Variants in TSPAN1 observed in about 807,000 individuals in gnomAD.
TSPAN1 encodes the protein tetraspanin-1.
Under a neutral mutation model 26.9 loss-of-function variants are expected in TSPAN1, and 23 were observed. That is an observed-to-expected ratio of 0.85 (90% confidence interval 0.62 to 1.21). The LOEUF (loss-of-function observed/expected upper bound fraction) is 1.21, where lower values mean the gene tolerates loss of function less well. Among genes scored for constraint, TSPAN1 ranks in the 50% most tolerant of loss-of-function variants. TSPAN1 has a pLI of 0.00. For synonymous variants in TSPAN1, 115 were observed against 114.8 expected, an observed-to-expected ratio of 1.00 and a Z score of -0.01; for missense variants, 283 against 298.4, an observed-to-expected ratio of 0.95 and a Z score of 0.38.
At chr1:46,194,026 T>C in the TSPAN1 span, 1 of 1,572,288 alleles carries the variant, frequency 6.4e-7, no homozygotes, top group Non-Finnish European at 8.6e-7. Flanking sequence ...CAGACTGGAG[T>C]AGACAGGGAA....
chr1:46,176,245 C>T, intron 1 of TSPAN1: 1 of 1,535,154 alleles, frequency 6.5e-7, no homozygotes, highest in Non-Finnish European at 8.7e-7. Flanking sequence ...TGGGAAGATC[C>T]ACACTATGGT....
downstream of TSPAN1, chr1:46,190,578 A>C: frequency 6.5e-7 from 1 of 1,539,016 alleles, no homozygotes; most frequent in South Asian, 1.1e-5. Flanking sequence ...CATGGGTAGC[A>C]CTGAGCAGGG....
At chr1:46,194,968 G>C in the TSPAN1 span, 82 of 1,613,570 alleles carry the variant, frequency 5.1e-5, no homozygotes, top group Non-Finnish European at 6.2e-5. Flanking sequence ...CATCCTGGGG[G>C]ACCAGAGAAG....
At chr1:46,190,914 C>T, downstream of TSPAN1, 8 of 845,828 alleles carry the variant, frequency 9.5e-6, no homozygotes, top group South Asian at 2.8e-5. Flanking sequence ...TAATTTCCCA[C>T]CGTCTTCTCC....
chr1:46,185,710 C>A lies in TSPAN1; in HGVS notation c.*177C>A. ...TAGGGACCACTCCTTTTAGGCGATG[C>A]CTGACTTTCCTTCCATTGGTGGGTG... On this transcript the variant is annotated 3_prime_UTR_variant, in exon 9 of 9. Transcript: ENST00000372003. 1 of 690,158 alleles carries A rather than the reference C, an allele frequency of 1.4e-6. No individual in the cohort carries two copies. Among genetic ancestry groups the A allele is most frequent in the Non-Finnish European group, 2.5e-6 (1 of 406,390 alleles). 42.8% of individuals were successfully genotyped at this position (690,158 alleles called of 1,614,324 possible).
chr1:46,186,524 CTT>C (rs1465394293), downstream of TSPAN1, among the ~76,000 whole-genome samples: 4 of 138,800 alleles, frequency 2.9e-5, no homozygotes, highest in East Asian at 6.5e-4. Flanking sequence ...GAGTTTCGCT[CTT>C]GTTGCCCAGG....
At chr1:46,195,827 A>AGCACTC in the TSPAN1 span, 4 of 1,597,980 alleles carry the variant, frequency 2.5e-6, no homozygotes, top group Non-Finnish European at 3.4e-6. Context: ...AGTGCAGATG[A>AGCACTC]GCACTCGGCC....
the TSPAN1 span, chr1:46,195,090 GT>G: frequency 1.2e-6 from 1 of 826,486 alleles, no homozygotes; most frequent in South Asian, 1.4e-5. Context: ...ACCCTCTATG[GT>G]TACTCTCTTT....
downstream of TSPAN1, chr1:46,189,481 C>G (rs1168602477): frequency 1.2e-6 from 2 of 1,613,656 alleles, no homozygotes; most frequent in South Asian, 2.2e-5. Flanking sequence ...CCGGGACCCC[C>G]ACCATCAGGA....
chr1:46,184,235 C>G lies in TSPAN1; in HGVS notation c.102C>G (p.Ile34Met). 1 of 1,614,202 alleles carries G rather than the reference C, an allele frequency of 6.2e-7. No individual in the cohort carries two copies. Among genetic ancestry groups the G allele is most frequent in the Non-Finnish European group, 8.5e-7 (1 of 1,180,038 alleles). Residue 34 changes from isoleucine to methionine, a missense_variant, in exon 4 of 9, where the codon ATC (isoleucine) becomes ATG (methionine). Ile to Met is a conservative substitution (Grantham distance 10). Transcript: ENST00000372003. Reference sequence around the variant, plus strand: ...TGGCAGTGGGCATCTGGGTGTCAATCGATGGGGCATCCTTTCTGAAGATCT... The same window carrying G: ...TGGCAGTGGGCATCTGGGTGTCAATGGATGGGGCATCCTTTCTGAAGATCT... ...ALLAVGIWVS[I>M]DGASFLKIFG...
At chr1:46,175,448 T>TG (rs1657107597) in intron 1 of TSPAN1, 39 bp downstream of exon 1, 1 of 395,844 alleles carries the variant, frequency 2.5e-6, no homozygotes, top group Non-Finnish European at 4.5e-6. Context: ...ACGCCCTGCA[T>TG]AGTCAGCTGG....
chr1:46,179,497 A>G (rs1443288918), intron 1 of TSPAN1, among the ~76,000 whole-genome samples: 3 of 152,180 alleles, frequency 2.0e-5, no homozygotes, highest in Non-Finnish European at 4.4e-5. Flanking sequence ...AGAGAAGTTT[A>G]AAACCAAGTC....
intron 1 of TSPAN1, chr1:46,176,334 G>A (rs1343227909): frequency 2.0e-6 from 3 of 1,535,650 alleles, no homozygotes; most frequent in Non-Finnish European, 2.6e-6. Context: ...TTCGACCTCG[G>A]AGACCCTGTT....
chr1:46,188,574 T>TAA, downstream of TSPAN1: 1 of 1,395,952 alleles, frequency 7.2e-7, no homozygotes, highest in Non-Finnish European at 9.5e-7. Context: ...AAATGGAAGA[T>TAA]AAACTCTGTG....
chr1:46,181,353 A>G (rs920263115), intron 3 of TSPAN1, among the ~76,000 whole-genome samples, 189 bp downstream of exon 3: 1 of 152,194 alleles, frequency 6.6e-6, no homozygotes, highest in African/African-American at 2.4e-5. Flanking sequence ...CCAGGCTGCC[A>G]TACAGGTGCG....
the TSPAN1 span, chr1:46,194,668 A>G: frequency 6.2e-7 from 1 of 1,614,252 alleles, no homozygotes; most frequent in East Asian, 2.2e-5. Context: ...GGAGGCAGGA[A>G]TGAGGGCCAT....
In TSPAN1 at chr1:46,185,298, G is replaced by A. The variant is rs1357986699; in HGVS notation, c.668G>A (p.Gly223Glu). The A allele has an allele frequency of 2.5e-6, 4 of 1,614,102 alleles. No homozygotes were observed. The highest frequency in any genetic ancestry group is 2.2e-5 in the East Asian group (1 of 44,890). Reference protein sequence around the residue: ...VTVGGVAAGIGGLELAAMIVS... With the variant: ...VTVGGVAAGIEGLELAAMIVS... Reference sequence around the variant, plus strand: ...GTGGGTGGTGTGGCAGCTGGAATTGGGGGCCTCGAGGTAAGCAGATGAGGA... The same window carrying A: ...GTGGGTGGTGTGGCAGCTGGAATTGAGGGCCTCGAGGTAAGCAGATGAGGA... The change falls in exon 8 of 9, where the codon GGG becomes GAG. Residue 223 changes from glycine (G) to glutamate (E), a missense_variant. Physicochemically the swap from Gly to Glu is moderately conservative, Grantham distance 98. Coordinates refer to ENST00000372003, the MANE Select transcript of TSPAN1 (RefSeq NM_005727.4).
At chr1:46,192,800 C>A in the TSPAN1 span, 3 of 1,594,026 alleles carry the variant, frequency 1.9e-6, no homozygotes, top group East Asian at 2.2e-5. Context: ...TTCGCCCCCA[C>A]TTGTGAGCTC....
At chr1:46,190,832 C>G (rs928675968), downstream of TSPAN1, 6 of 1,527,784 alleles carry the variant, frequency 3.9e-6, no homozygotes, top group Non-Finnish European at 4.5e-6. Flanking sequence ...TTGTCTGGCC[C>G]ACACCCACTT....
Sources: allele counts gnomAD v4.1 joint callset (sites outside exome capture counted in the v4.1 genomes callset), GRCh38; gene constraint gnomAD v4.1.1; transcripts MANE v1.5; gene names NCBI Gene and HGNC (gene_info 2026-07-23, HGNC 2026-07-21).